Variants in TEX9 observed in about 807,000 individuals in gnomAD.
The protein encoded by TEX9 is testis-expressed protein 9.
TEX9 carries 74 observed loss-of-function variants against 59.6 expected under a neutral mutation model. The observed-to-expected ratio is 1.24, with a 90% CI of 1.03 to 1.51. The LOEUF is 1.51. TEX9 is among the 40% of genes most tolerant of loss of function. The pLI, the probability that TEX9 is intolerant of heterozygous loss-of-function variation, is 0.00. For synonymous variants in TEX9, 186 were observed against 152.2 expected (o/e 1.22, Z -1.64); for missense variants, 522 against 447.8 (o/e 1.17, Z -1.49).
chr15:56,281,557 C>T (rs984430880), intron 1 of TEX9, among the ~76,000 whole-genome samples: 52 of 152,218 alleles, frequency 3.4e-4, no homozygotes, highest in African/African-American at 1.2e-3. Flanking sequence ...CCCCCCGCCC[C>T]ACTCTTAAGT....
At chr15:56,244,665 C>T (rs2043799428) in intron 1 of TEX9, among the ~76,000 whole-genome samples, 1 of 140,510 alleles carries the variant, frequency 7.1e-6, no homozygotes, top group African/African-American at 2.6e-5. Flanking sequence ...TAGCTCAAGT[C>T]GCGGCTTGTC....
At chr15:56,452,604 C>T in the TEX9 span, among the ~76,000 whole-genome samples, 1 of 151,614 alleles carries the variant, frequency 6.6e-6, no homozygotes, top group East Asian at 1.9e-4. Flanking sequence ...CTGCAAGCTC[C>T]GCCTCCCAGG....
intron 12 of TEX9, among the ~76,000 whole-genome samples, chr15:56,436,705 G>A (rs922359241): frequency 1.2e-4 from 18 of 151,994 alleles, no homozygotes; most frequent in African/African-American, 3.1e-4. Context: ...TTGATAGACC[G>A]CTAGCAAGAC....
At chr15:56,336,523 C>T (rs2046260420) in intron 1 of TEX9, among the ~76,000 whole-genome samples, 1 of 152,208 alleles carries the variant, frequency 6.6e-6, no homozygotes, top group Non-Finnish European at 1.5e-5. Flanking sequence ...TGATTTCAGA[C>T]TTCCAGCCTC....
At chr15:56,429,178 C>A in intron 12 of TEX9, 1 of 1,592,686 alleles carries the variant, frequency 6.3e-7, no homozygotes, top group Middle Eastern at 1.7e-4. Context: ...ATATCATCCT[C>A]TTTTTTAAAT....
rs2047253945 is a variant in TEX9, at chr15:56,372,897, A to T, written c.120-544A>T. ...AAAGGAGTGACAGGTAGAGGTCAAA[A>T]TAGTCACCTTTATTTCCGAGGAAGC... On this transcript the variant is annotated intron_variant, in intron 2 of 12. Coordinates refer to ENST00000352903, the Ensembl canonical transcript of TEX9. 2.0e-5 allele frequency among the ~76,000 whole-genome samples: 3 copies of T among 152,324 alleles called. No individual in the cohort carries two copies. In the South Asian group the frequency reaches 6.2e-4, roughly 32 times the overall value.
chr15:56,373,581 A>T, intron 3 of TEX9, 77 bp downstream of exon 3: 1 of 1,228,260 alleles, frequency 8.1e-7, no homozygotes, highest in Non-Finnish European at 1.1e-6. Context: ...TATGACATAT[A>T]TACAAAACAC....
chr15:56,272,027 G>A lies in TEX9; in HGVS notation c.-107+27749G>A, dbSNP rs374149044. Among the ~76,000 whole-genome samples, 6 of 151,990 alleles carry A rather than the reference G, an allele frequency of 3.9e-5. 1 individual carries two copies. Among genetic ancestry groups the A allele is most frequent in the South Asian group, 2.1e-4 (1 of 4,804 alleles). On this transcript the variant is annotated intron_variant, in intron 1 of 5. Transcript: ENST00000560827. ...GGCATGGGGGTGGGCACCGGTAGTCGCAGCTACTCGGGAGGCTGAGGCAGG... is the reference window on the plus strand; with the variant it reads ...GGCATGGGGGTGGGCACCGGTAGTCACAGCTACTCGGGAGGCTGAGGCAGG...
At chr15:56,455,373 G>T in the TEX9 span, among the ~76,000 whole-genome samples, 1 of 151,814 alleles carries the variant, frequency 6.6e-6, no homozygotes, top group Non-Finnish European at 1.5e-5. Flanking sequence ...AATTTCTAAG[G>T]ATCGGTAATC....
At chr15:56,435,547 T>C (rs1276263817) in intron 12 of TEX9, among the ~76,000 whole-genome samples, 1 of 151,984 alleles carries the variant, frequency 6.6e-6, no homozygotes, top group Non-Finnish European at 1.5e-5. Flanking sequence ...CAAATTATTA[T>C]ACACACATAA....
intron 2 of TEX9, 26 bp downstream of exon 2, chr15:56,365,696 TC>T (rs1282152822): frequency 1.9e-6 from 3 of 1,613,526 alleles, no homozygotes; most frequent in Non-Finnish European, 2.5e-6. Context: ...GTTGAACTTT[TC>T]CTTCTTTCTT....
chr15:56,261,139 T>C (rs1235075870), intron 1 of TEX9, among the ~76,000 whole-genome samples: 1 of 152,018 alleles, frequency 6.6e-6, no homozygotes, highest in Non-Finnish European at 1.5e-5. Flanking sequence ...TGCTAAGAGT[T>C]TATCAAATCT....
At chr15:56,247,836 T>G (rs2043898758) in intron 1 of TEX9, among the ~76,000 whole-genome samples, 1 of 152,172 alleles carries the variant, frequency 6.6e-6, no homozygotes, top group Non-Finnish European at 1.5e-5. Flanking sequence ...AACTTGAATA[T>G]AAAAATAAAA....
At position 56,412,290 on chromosome 15, in the gene TEX9, T is replaced by G; in HGVS notation, c.829-12T>G. 1.3e-6 allele frequency: 2 copies of G among 1,585,184 alleles called. No homozygotes were observed. Among genetic ancestry groups the G allele is most frequent in the Non-Finnish European group, 1.7e-6 (2 of 1,171,580 alleles). On this transcript the variant is annotated splice_polypyrimidine_tract_variant and intron_variant, in intron 9 of 12. Transcript: ENST00000352903. ...TATTTATAAATGTTCCATAATCTTT[T>G]TTACTATACAGGAATTAGAAAATAA...
chr15:56,436,509 G>A (rs542524548), intron 12 of TEX9, among the ~76,000 whole-genome samples: 97 of 152,252 alleles, frequency 6.4e-4, no homozygotes, highest in African/African-American at 2.3e-3. Context: ...AATCAGGAAA[G>A]ATCTAAAATT....
intron 3 of TEX9, among the ~76,000 whole-genome samples, chr15:56,375,184 C>T (rs1200911349): frequency 6.6e-6 from 1 of 152,118 alleles, no homozygotes; most frequent in African/African-American, 2.4e-5. Flanking sequence ...CTGTTGTTTC[C>T]TGACTTTTTA....
chr15:56,284,232 A>C (rs1420069715), intron 1 of TEX9, among the ~76,000 whole-genome samples: 2 of 152,172 alleles, frequency 1.3e-5, no homozygotes, highest in Admixed American at 6.5e-5. Context: ...ACTGACCTCA[A>C]GTGATCCTCC....
chr15:56,359,900 A>C (rs959660880), intron 1 of TEX9, among the ~76,000 whole-genome samples: 1 of 152,130 alleles, frequency 6.6e-6, no homozygotes, highest in African/African-American at 2.4e-5. Context: ...CAACTTGAGG[A>C]TATTTCCCTG....
intron 1 of TEX9, among the ~76,000 whole-genome samples, chr15:56,347,166 A>G (rs1262015864): frequency 6.6e-6 from 1 of 152,180 alleles, no homozygotes; most frequent in Non-Finnish European, 1.5e-5. Context: ...CCAAATTAAT[A>G]TACAGATTTA....
Sources: gnomAD v4.1 joint callset for allele counts (sites outside exome capture counted in the v4.1 genomes callset) on GRCh38, gnomAD v4.1.1 for gene constraint, MANE v1.5 for transcripts, NCBI Gene and HGNC (gene_info 2026-07-23, HGNC 2026-07-21) for gene names.